Variants in PKN2 observed in about 807,000 individuals in gnomAD.
PKN2 encodes protein kinase N2.
A neutral mutation model predicts 119.1 loss-of-function variants in PKN2; 38 were observed. That is an observed-to-expected ratio of 0.32 (90% confidence interval 0.25 to 0.42). PKN2 has a LOEUF of 0.42. PKN2 is among the 10% of genes least tolerant of loss of function. The probability of loss-of-function intolerance (pLI) is 1.00; values close to 1 mark genes in which losing one functional copy is unlikely to be tolerated. For missense variants in PKN2, 850 were observed against 1,165.1 expected (o/e 0.73, Z 3.94); for synonymous variants, 390 against 384.9 (o/e 1.01, Z -0.15).
chr1:88,692,730 T>G (rs1212336529), intron 1 of PKN2, among the ~76,000 whole-genome samples: 1 of 152,222 alleles, frequency 6.6e-6, no homozygotes, highest in Non-Finnish European at 1.5e-5. Context: ...TAAGAGTTCT[T>G]TATATTGCTT....
intron 8 of PKN2, among the ~76,000 whole-genome samples, chr1:88,790,889 A>G (rs1023723852): frequency 6.6e-6 from 1 of 152,058 alleles, no homozygotes; most frequent in Non-Finnish European, 1.5e-5. Flanking sequence ...AAAAATTTAC[A>G]TTTGATGTCA....
intron 6 of PKN2, among the ~76,000 whole-genome samples, 195 bp downstream of exon 6, chr1:88,772,074 C>CT (rs1669918130): frequency 6.6e-6 from 1 of 151,964 alleles, no homozygotes; most frequent in Admixed American, 6.6e-5. Context: ...ATTGTGTGAC[C>CT]ATCACCACTA....
intron 16 of PKN2, among the ~76,000 whole-genome samples, chr1:88,818,981 G>GCCAGTTATATAA (rs201616790): frequency 0.067 from 10,134 of 152,044 alleles, 694 homozygotes; most frequent in African/African-American, 0.18. Context: ...AGCCATATGC[G>GCCAGTTATATAA]GGGAACTGAA....
intron 19 of PKN2, among the ~76,000 whole-genome samples, chr1:88,831,690 T>C (rs755915468): frequency 2.0e-5 from 3 of 152,024 alleles, no homozygotes; most frequent in Non-Finnish European, 4.4e-5. Context: ...TTTCTGCTTA[T>C]TATTCTTTAA....
intron 8 of PKN2, among the ~76,000 whole-genome samples, chr1:88,790,434 G>A (rs1338763760): frequency 6.6e-6 from 1 of 152,122 alleles, no homozygotes; most frequent in Non-Finnish European, 1.5e-5. Flanking sequence ...CAAAAACTGT[G>A]ATAACTTTTG....
At chr1:88,814,845 A>C (rs1671921886) in intron 16 of PKN2, among the ~76,000 whole-genome samples, 1 of 152,210 alleles carries the variant, frequency 6.6e-6, no homozygotes, top group African/African-American at 2.4e-5. Flanking sequence ...TTTAGTTTTC[A>C]TTCCACATCT....
intron 9 of PKN2, 82 bp from the exon 10 acceptor site, chr1:88,804,764 C>T (rs534499185): frequency 1.2e-6 from 1 of 845,582 alleles, no homozygotes; most frequent in Admixed American, 2.6e-5. Context: ...CTAAGATTCT[C>T]TTAAGCTTTA....
intron 1 of PKN2, among the ~76,000 whole-genome samples, chr1:88,696,180 T>TA (rs754420859): frequency 3.9e-5 from 6 of 152,236 alleles, no homozygotes; most frequent in Non-Finnish European, 7.3e-5. Context: ...ATGTTCCACC[T>TA]ATTTGTAGCC....
chr1:88,820,548 TA>T (rs1672236916), intron 16 of PKN2, among the ~76,000 whole-genome samples: 2 of 147,626 alleles, frequency 1.4e-5, no homozygotes, highest in African/African-American at 5.2e-5. Context: ...AAAAAATAAA[TA>T]AAATAAATAA....
At chr1:88,757,655 C>T (rs1379016812) in intron 2 of PKN2, among the ~76,000 whole-genome samples, 1 of 147,156 alleles carries the variant, frequency 6.8e-6, no homozygotes, top group African/African-American at 2.7e-5. Flanking sequence ...GGGTAGTACC[C>T]TAGTCTTTAG....
chr1:88,760,198 A>T (rs202213262), intron 2 of PKN2, 24 bp from the exon 3 acceptor site: 198 of 1,345,134 alleles, frequency 1.5e-4, no homozygotes, highest in Non-Finnish European at 2.0e-4. Flanking sequence ...CTAATAAGTA[A>T]TTTTAACAAT....
At chr1:88,741,517 T>G (rs1668579035) in intron 2 of PKN2, among the ~76,000 whole-genome samples, 1 of 152,134 alleles carries the variant, frequency 6.6e-6, no homozygotes, top group African/African-American at 2.4e-5. Context: ...ATGTATTCTC[T>G]CTTACTCTCT....
At chr1:88,724,455 C>G (rs1300338207) in intron 1 of PKN2, among the ~76,000 whole-genome samples, 1 of 151,950 alleles carries the variant, frequency 6.6e-6, no homozygotes, top group Non-Finnish European at 1.5e-5. Context: ...GTTATGCTAC[C>G]TATTTTTTTG....
intron 1 of PKN2, among the ~76,000 whole-genome samples, chr1:88,724,866 C>T (rs1667832850): frequency 6.7e-6 from 1 of 149,660 alleles, no homozygotes; most frequent in African/African-American, 2.5e-5. Context: ...GCCACTGTGC[C>T]CGCCCCCACC....
intron 1 of PKN2, among the ~76,000 whole-genome samples, chr1:88,714,552 TG>T (rs2100692384): frequency 6.6e-6 from 1 of 151,754 alleles, no homozygotes; most frequent in African/African-American, 2.4e-5. Context: ...CAATTGTGAA[TG>T]GGAGTGATTT....
rs113773449 is a variant in PKN2, at chr1:88,793,796, A to G, written c.1281+7583A>G. Among the ~76,000 whole-genome samples the G allele has an allele frequency of 9.9e-3, 1,512 of 152,318 alleles. 21 individuals carry two copies. Among genetic ancestry groups the G allele is most frequent in the African/African-American group, 0.034 (1,428 of 41,566 alleles). ...TAATACCCAGTGCAATGTAAATGCT[A>G]TATAAATTATTATACTGTATTGTTT... On this transcript the variant is annotated intron_variant, in intron 8 of 21. Transcript: ENST00000370521.
chr1:88,811,968 A>G (rs1401489759), intron 15 of PKN2, among the ~76,000 whole-genome samples: 1 of 152,188 alleles, frequency 6.6e-6, no homozygotes. Flanking sequence ...TTTGGTAGAC[A>G]GAAGTTATTT....
chr1:88,686,585 G>T (rs914614146), intron 1 of PKN2, among the ~76,000 whole-genome samples: 2 of 151,888 alleles, frequency 1.3e-5, no homozygotes, highest in African/African-American at 4.8e-5. Context: ...TACCTTATAG[G>T]TTGTCATATA....
chr1:88,713,962 G>C (rs189616911), intron 1 of PKN2, among the ~76,000 whole-genome samples: 310 of 152,276 alleles, frequency 2.0e-3, no homozygotes, highest in Non-Finnish European at 2.3e-3. Flanking sequence ...ATTTGTACAA[G>C]GTGTAAGGAA....
Sources: gnomAD v4.1 joint callset for allele counts (sites outside exome capture counted in the v4.1 genomes callset) on GRCh38, gnomAD v4.1.1 for gene constraint, MANE v1.5 for transcripts, NCBI Gene and HGNC (gene_info 2026-07-23, HGNC 2026-07-21) for gene names.